LRCH3: variants seen among roughly 807,000 people sequenced by gnomAD.
The protein encoded by LRCH3 is leucine rich repeats and calponin homology domain containing 3, also known as DISP complex protein LRCH3.
LRCH3 carries 68 observed loss-of-function variants against 104.5 expected under a neutral mutation model. That is an observed-to-expected ratio of 0.65 (90% CI 0.54 to 0.80). The LOEUF is 0.80. LRCH3 is among the 30% of genes least tolerant of loss of function. The pLI is 0.00. For missense variants in LRCH3, 951 were observed against 953.9 expected, an observed-to-expected ratio of 1.00 and a Z score of 0.04; for synonymous variants, 344 against 361.3, an observed-to-expected ratio of 0.95 and a Z score of 0.54.
chr3:197,888,096 CTAA>C lies in LRCH3; in HGVS notation c.*4432_*4434del, dbSNP rs1271946644. The C allele has an allele frequency of 6.6e-6, 1 of 152,192 alleles. No individual in the cohort carries two copies. Among genetic ancestry groups the C allele is most frequent in the African/African-American group, 2.4e-5 (1 of 41,438 alleles). The allele number at this position is 152,192 out of a possible 1,614,324, so 9.4% of individuals were successfully genotyped here. On this transcript the variant is annotated 3_prime_UTR_variant, in exon 21 of 21. Coordinates refer to ENST00000425562, the MANE Select transcript of LRCH3 (RefSeq NM_001365715.1). ...CTTACTTTCTACAGCTCAGCAGTGA[CTAA>C]TGATGTGTGACTATGCGAATGAGTT... is the stretch of plus-strand genomic sequence containing the variant.
intron 14 of LRCH3, among the ~76,000 whole-genome samples, chr3:197,858,596 C>G (rs1427974151): frequency 6.6e-6 from 1 of 152,026 alleles, no homozygotes; most frequent in Non-Finnish European, 1.5e-5. Context: ...CCTCTCATTT[C>G]TTGATTAATG....
rs777855915 is a variant in LRCH3, at chr3:197,875,682, C to A, written c.2131-16C>A. The A allele has an allele frequency of 1.2e-5, 18 of 1,530,110 alleles. No individual in the cohort carries two copies. In the South Asian group the frequency reaches 1.4e-4, roughly 12 times the overall value. The allele number at this position is 1,530,110 out of a possible 1,614,324, so 94.8% of individuals were successfully genotyped here. A position where few individuals can be genotyped will look rare whatever the true frequency, so the allele number is the denominator to read the frequency against. The stretch of plus-strand genomic sequence containing the variant: ...CAAAACTTCTCTAGTAACACATTTT[C>A]TTTTCCTCATTTCAGCCTAAATTAA... On this transcript the variant is annotated splice_polypyrimidine_tract_variant and intron_variant, in intron 19 of 20. Transcript: ENST00000425562.
At chr3:197,855,088 A>G (rs187708750) in intron 14 of LRCH3, among the ~76,000 whole-genome samples, 30 of 152,194 alleles carry the variant, frequency 2.0e-4, no homozygotes, top group Non-Finnish European at 3.7e-4. Context: ...TTCTTTCCCC[A>G]TCATGTTTTA....
chr3:197,866,286 T>C, intron 17 of LRCH3, 67 bp downstream of exon 17: 2 of 1,108,892 alleles, frequency 1.8e-6, no homozygotes, highest in South Asian at 1.2e-5. Context: ...AGCTGTTAGA[T>C]GGATGCTTTT....
In LRCH3 at chr3:197,838,082, T is replaced by C. The variant is rs772454083; in HGVS notation, c.1252-1239T>C. The stretch of plus-strand genomic sequence containing the variant: ...ATCCAAAAAAAAAAAACTAGGGTGG[T>C]AAGCCACTGGTACAGCGTCCTAGGA... On this transcript the variant is annotated intron_variant, in intron 9 of 20. Transcript: ENST00000425562. Among the ~76,000 whole-genome samples the C allele has an allele frequency of 7.1e-4, 107 of 150,306 alleles. 1 individual carries two copies. Among genetic ancestry groups the C allele is most frequent in the South Asian group, 3.6e-3 (17 of 4,752 alleles).
intron 19 of LRCH3, among the ~76,000 whole-genome samples, chr3:197,874,151 A>G (rs1381355463): frequency 1.3e-5 from 2 of 152,062 alleles, no homozygotes; most frequent in Non-Finnish European, 2.9e-5. Context: ...GGGGTCCCCA[A>G]CCCCTGGGCC....
At chr3:197,882,199 G>A in intron 20 of LRCH3, 1 of 985,404 alleles carries the variant, frequency 1.0e-6, no homozygotes, top group Non-Finnish European at 1.2e-6. Context: ...GTGAACACCG[G>A]CCGCGCAGGT....
chr3:197,791,579 C>G lies in LRCH3; in HGVS notation c.262+39C>G, dbSNP rs762876393. 11 of 1,491,572 alleles carry G rather than the reference C, an allele frequency of 7.4e-6. No individual in the cohort carries two copies. The South Asian group carries it at 1.0e-4, about 14-fold the overall frequency. 92.4% of individuals were successfully genotyped at this position (1,491,572 alleles called of 1,614,324 possible). On this transcript the variant is annotated intron_variant, in intron 1 of 20. Coordinates refer to ENST00000425562, the MANE Select transcript of LRCH3 (RefSeq NM_001365715.1). ...GGGGCGTCTCTGCCCGTCGGAGACC[C>G]GGCGCCGGGAGCCGCCCCGGCCGGG...
In LRCH3 at chr3:197,881,716, G is replaced by C. The variant is rs925663177; in HGVS notation, c.2209-1825G>C. On this transcript the variant is annotated intron_variant, in intron 20 of 20. Transcript: ENST00000425562. ...TTCTAGTTTCATAAGTGGTGTTTCT[G>C]AATATTCAGGAACCTTCTGAACTCT... 8.1e-6 allele frequency: 8 copies of C among 985,282 alleles called. No individual in the cohort carries two copies. The African/African-American group carries it at 1.4e-4, about 17-fold the overall frequency. 61.0% of individuals were successfully genotyped at this position (985,282 alleles called of 1,614,324 possible). A position where few individuals can be genotyped will look rare whatever the true frequency, so the allele number is the denominator to read the frequency against.
At chr3:197,811,372 T>C (rs1244408065) in intron 1 of LRCH3, among the ~76,000 whole-genome samples, 2 of 152,246 alleles carry the variant, frequency 1.3e-5, no homozygotes, top group Non-Finnish European at 2.9e-5. Flanking sequence ...TCCTATAATA[T>C]TCTTTACAGT....
intron 10 of LRCH3, among the ~76,000 whole-genome samples, chr3:197,841,195 A>G (rs865955912): frequency 8.4e-4 from 128 of 152,180 alleles, no homozygotes; most frequent in African/African-American, 3.0e-3. Context: ...TCTCATGTGG[A>G]GACTGTGGAG....
In LRCH3 at chr3:197,883,276, G is replaced by C; in HGVS notation, c.2209-265G>C. 8.5e-7 allele frequency: 1 copy of C among 1,183,100 alleles called. No individual in the cohort carries two copies. Among genetic ancestry groups the C allele is most frequent in the Non-Finnish European group, 1.1e-6 (1 of 952,276 alleles). The allele number at this position is 1,183,100 out of a possible 1,614,324, so 73.3% of individuals were successfully genotyped here. A position where few individuals can be genotyped will look rare whatever the true frequency, so the allele number is the denominator to read the frequency against. ...CCTGCGGTATTGTTTTCCCTCTGTT[G>C]TATGTATAGATATATGCTACTTGTC... On this transcript the variant is annotated intron_variant, in intron 20 of 20. Transcript: ENST00000425562. The surrounding 1 kb of genome is among the most constrained non-coding windows in gnomAD (Gnocchi z 4.2).
intron 4 of LRCH3, among the ~76,000 whole-genome samples, chr3:197,824,150 C>T (rs184406475): frequency 6.6e-5 from 10 of 151,518 alleles, no homozygotes; most frequent in Middle Eastern, 3.2e-3. Flanking sequence ...CTGCAGCCTC[C>T]GCCTCTCGGG....
intron 10 of LRCH3, among the ~76,000 whole-genome samples, chr3:197,841,667 G>GTGGAT (rs1255328528): frequency 6.6e-6 from 1 of 152,140 alleles, no homozygotes; most frequent in Non-Finnish European, 1.5e-5. Flanking sequence ...TTGAAGGTCT[G>GTGGAT]TGGATTCTTT....
chr3:197,813,813 G>T (rs1311013853), intron 1 of LRCH3, among the ~76,000 whole-genome samples: 1 of 152,084 alleles, frequency 6.6e-6, no homozygotes, highest in Non-Finnish European at 1.5e-5. Context: ...TTACAGGCGT[G>T]AGCCACCGCG....
At chr3:197,823,758 A>C (rs184001053) in intron 4 of LRCH3, among the ~76,000 whole-genome samples, 1 of 152,254 alleles carries the variant, frequency 6.6e-6, no homozygotes, top group African/African-American at 2.4e-5. Flanking sequence ...TGCTGAGATT[A>C]CAGGCATGAG....
chr3:197,845,799 G>T (rs992568275), intron 10 of LRCH3, among the ~76,000 whole-genome samples: 4 of 152,176 alleles, frequency 2.6e-5, no homozygotes, highest in African/African-American at 9.7e-5. Context: ...CAGCTACTCA[G>T]GAGGCTGACG....
Position 197,870,217 on chromosome 3 carries a change from T to C in LRCH3, c.1931T>C (p.Ile644Thr). 1 of 1,613,094 alleles carries C rather than the reference T, an allele frequency of 6.2e-7. No homozygotes were observed. Among genetic ancestry groups the C allele is most frequent in the South Asian group, 1.1e-5 (1 of 91,064 alleles). ...CCTACCACTGATTCTACAGATTCCA[T>C]AACAGGACAGAATTCAAGACAGAGA... ...AAPTTDSTDS[I>T]TGQNSRQREE... is the part of the protein sequence containing the mutation. The change falls in exon 18 of 21, where the codon ATA becomes ACA. Residue 644 changes from isoleucine (I) to threonine (T), a missense_variant. Physicochemically the swap from Ile to Thr is moderately conservative, Grantham distance 89 (BLOSUM62 -1). Transcript: ENST00000425562.
At chr3:197,878,034 A>C (rs1256053958) in intron 20 of LRCH3, among the ~76,000 whole-genome samples, 2 of 152,174 alleles carry the variant, frequency 1.3e-5, no homozygotes, top group Non-Finnish European at 1.5e-5. Flanking sequence ...TCTGCTTCCT[A>C]AAGAGGTTCT....
Sources: allele counts gnomAD v4.1 joint callset (sites outside exome capture counted in the v4.1 genomes callset), GRCh38; gene constraint gnomAD v4.1.1; non-coding constraint Gnocchi (gnomAD v3.1); transcripts MANE v1.5; gene names NCBI Gene and HGNC (gene_info 2026-07-23, HGNC 2026-07-21).